WARS2: variants seen among roughly 807,000 people sequenced by gnomAD.
The protein encoded by WARS2 is tryptophan--tRNA ligase, mitochondrial.
A neutral mutation model predicts 36.5 loss-of-function variants in WARS2; 28 were observed. That is an observed-to-expected ratio of 0.77 (90% CI 0.57 to 1.05). The LOEUF is 1.05. Ranked by LOEUF, WARS2 falls within the 50% of genes least tolerant of loss-of-function variation. The probability of loss-of-function intolerance (pLI) is 0.00; values close to 1 mark genes in which losing one functional copy is unlikely to be tolerated. For synonymous variants in WARS2, 174 were observed against 178.4 expected (o/e 0.98, Z 0.20); for missense variants, 435 against 456.8 (o/e 0.95, Z 0.44).
intron 4 of WARS2, among the ~76,000 whole-genome samples, chr1:119,037,163 TCTGA>T (rs1220342434): frequency 3.9e-5 from 6 of 152,196 alleles, no homozygotes; most frequent in African/African-American, 1.4e-4. Flanking sequence ...TTTAAGTTAC[TCTGA>T]CTGTGCTTTC....
chr1:119,140,067 C>T, intron 1 of WARS2: 1 of 153,950 alleles, frequency 6.5e-6, no homozygotes, highest in Non-Finnish European at 1.4e-5. Flanking sequence ...GGAAGATGCA[C>T]TGACACTTGC....
intron 1 of WARS2, among the ~76,000 whole-genome samples, chr1:119,094,449 G>C (rs1653273483): frequency 6.7e-6 from 1 of 149,960 alleles, no homozygotes; most frequent in African/African-American, 2.5e-5. Flanking sequence ...TGAGATATGT[G>C]TTTGTTTTTT....
At chr1:119,085,196 C>T (rs768033850) in intron 1 of WARS2, 8 of 817,176 alleles carry the variant, frequency 9.8e-6, no homozygotes, top group Non-Finnish European at 1.8e-5. Flanking sequence ...CTCTTGCCTC[C>T]CTCCTGCTTG....
chr1:119,082,747 A>G (rs759815390), intron 1 of WARS2, among the ~76,000 whole-genome samples: 70 of 152,206 alleles, frequency 4.6e-4, no homozygotes, highest in Non-Finnish European at 6.9e-4. Context: ...TGGAGCCACA[A>G]TTCAGAACTC....
In WARS2 at chr1:119,033,110, G is replaced by C; in HGVS notation, c.884C>G (p.Ala295Gly). 1 of 1,614,168 alleles carries C rather than the reference G, an allele frequency of 6.2e-7. No homozygotes were observed. Among genetic ancestry groups the C allele is most frequent in the Non-Finnish European group, 8.5e-7 (1 of 1,180,050 alleles). The change falls in exon 6 of 6, where the codon GCG becomes GGG. Residue 295 changes from alanine (A) to glycine (G), a missense_variant. Physicochemically the swap from Ala to Gly is moderately conservative, Grantham distance 60 (BLOSUM62 0). Transcript: ENST00000235521. ...CTTGTAGCGAGCAGTGTTCATGCCC[G>C]CGCTGCGGCGCACCACTTCCTCCAC... ...LSVEEVVRRS[A>G]GMNTARYKLA... is the part of the protein sequence containing the mutation.
chr1:119,121,921 A>T (rs1655351004), intron 1 of WARS2, among the ~76,000 whole-genome samples: 1 of 152,138 alleles, frequency 6.6e-6, no homozygotes, highest in African/African-American at 2.4e-5. Flanking sequence ...TAAATCTGAG[A>T]CCTCAAACCT....
At chr1:119,060,075 C>G (rs142310089) in intron 2 of WARS2, among the ~76,000 whole-genome samples, 130 of 152,276 alleles carry the variant, frequency 8.5e-4, no homozygotes, top group African/African-American at 2.9e-3. Context: ...CACTTGTACT[C>G]CTGAACTTAA....
rs149496022 is a variant in WARS2 at position 119,093,127 on chromosome 1, G to A, written c.91-16520C>T. Among the ~76,000 whole-genome samples the A allele has an allele frequency of 2.1e-3, 316 of 152,088 alleles. 1 individual carries two copies. The highest frequency in any genetic ancestry group is 7.4e-3 in the African/African-American group (309 of 41,484). ...TGTAGATTACTTAGACATAGTAAGGGCAATTATCCCCATGAATCAACATTA... is the reference window on the plus strand; with the variant it reads ...TGTAGATTACTTAGACATAGTAAGGACAATTATCCCCATGAATCAACATTA... On this transcript the variant is annotated intron_variant, in intron 1 of 5. Transcript: ENST00000235521.
In WARS2 at chr1:119,135,745, GAT is replaced by G. The variant is rs1455322106; in HGVS notation, c.90+4808_90+4809del. ...AGATAGATAGATAGATAGATAGATA[GAT>G]AGATAGAGAGATAGAGAGAGAGAGA... On this transcript the variant is annotated intron_variant, in intron 1 of 5. Transcript: ENST00000235521. Among the ~76,000 whole-genome samples the G allele has an allele frequency of 2.1e-3, 238 of 115,316 alleles. 1 individual carries two copies. The highest frequency in any genetic ancestry group is 6.0e-3 in the African/African-American group (208 of 34,830). The allele number at this position is 115,316 out of a possible 152,430, so 75.7% of individuals were successfully genotyped here. A position where few individuals can be genotyped will look rare whatever the true frequency, so the allele number is the denominator to read the frequency against.
rs1651733287 is a variant in WARS2 at position 119,076,395 on chromosome 1, G to T, written c.303C>A (p.Ala101=). The T allele has an allele frequency of 6.2e-7, 1 of 1,614,004 alleles. No homozygotes were observed. Among genetic ancestry groups the T allele is most frequent in the African/African-American group, 1.3e-5 (1 of 74,894 alleles). The part of the protein sequence containing the change: ...SILDMTAVLL[A]CGINPEKSIL... ...TGCTTTTTTCCGGGTTTATGCCACA[G>T]GCAAGAAGAACAGCAGTCATGTCCA... is the stretch of plus-strand genomic sequence containing the variant. Residue 101 remains alanine, a synonymous_variant, in exon 2 of 6, where the codon GCC becomes GCA. Transcript: ENST00000235521.
rs587607263 is a variant in WARS2 at position 119,120,055 on chromosome 1, A to C, written c.90+20500T>G. 9.9e-5 allele frequency among the ~76,000 whole-genome samples: 15 copies of C among 152,280 alleles called. No homozygotes were observed. In the South Asian group the frequency reaches 3.1e-3, roughly 32 times the overall value. On this transcript the variant is annotated intron_variant, in intron 1 of 5. Coordinates refer to ENST00000235521, the MANE Select transcript of WARS2 (RefSeq NM_015836.4). The stretch of plus-strand genomic sequence containing the variant: ...CAAACCCAGCAGAAGAAAAATAACA[A>C]AGATCAGAGCAGAACTAAATGAAAT...
intron 1 of WARS2, among the ~76,000 whole-genome samples, chr1:119,077,031 C>A (rs12024271): frequency 0.056 from 8,291 of 148,322 alleles, 422 homozygotes; most frequent in East Asian, 0.2. Context: ...CCAGCTACTC[C>A]GGAGGCTGAG....
At chr1:119,050,776 C>A (rs147887119) in intron 2 of WARS2, among the ~76,000 whole-genome samples, 2 of 151,850 alleles carry the variant, frequency 1.3e-5, no homozygotes, top group Non-Finnish European at 2.9e-5. Flanking sequence ...TACTGTTCAT[C>A]GAATTACACA....
At chr1:119,070,035 C>A (rs1258722796) in intron 2 of WARS2, among the ~76,000 whole-genome samples, 1 of 152,202 alleles carries the variant, frequency 6.6e-6, no homozygotes, top group Non-Finnish European at 1.5e-5. Flanking sequence ...TTGCCACCTA[C>A]AAACTGGGTG....
intron 1 of WARS2, among the ~76,000 whole-genome samples, chr1:119,132,567 T>C (rs1378864035): frequency 6.6e-6 from 1 of 152,154 alleles, no homozygotes; most frequent in Non-Finnish European, 1.5e-5. Context: ...AAATCTGCGA[T>C]TTGAGTAAAC....
intron 2 of WARS2, among the ~76,000 whole-genome samples, chr1:119,054,448 T>C (rs1327036742): frequency 2.0e-5 from 3 of 152,134 alleles, no homozygotes; most frequent in Non-Finnish European, 4.4e-5. Flanking sequence ...TTGTATACTG[T>C]TGATAGGAAT....
chr1:119,046,589 C>T (rs940222493), intron 2 of WARS2, among the ~76,000 whole-genome samples: 2 of 151,604 alleles, frequency 1.3e-5, no homozygotes, highest in Non-Finnish European at 2.9e-5. Context: ...AACTCCTGAC[C>T]TCGTGATCCA....
chr1:119,103,304 A>T (rs1353788205), intron 1 of WARS2, among the ~76,000 whole-genome samples: 1 of 152,098 alleles, frequency 6.6e-6, no homozygotes, highest in Admixed American at 6.6e-5. Flanking sequence ...GGCTTCCTCA[A>T]CTTGCTCTTC....
intron 2 of WARS2, among the ~76,000 whole-genome samples, chr1:119,062,386 A>G (rs1188096451): frequency 2.0e-5 from 3 of 152,194 alleles, no homozygotes; most frequent in Non-Finnish European, 2.9e-5. Context: ...ACTGGAGATG[A>G]GCAATTAAAA....
Sources: allele counts gnomAD v4.1 joint callset (sites outside exome capture counted in the v4.1 genomes callset), GRCh38; gene constraint gnomAD v4.1.1; transcripts MANE v1.5; gene names NCBI Gene and HGNC (gene_info 2026-07-23, HGNC 2026-07-21).